Variants in CNTNAP3B observed in about 807,000 individuals in gnomAD.
CNTNAP3B encodes contactin associated protein family member 3B, also known as contactin-associated protein-like 3B.
CNTNAP3B carries 25 observed loss-of-function variants against 108.9 expected under a neutral mutation model. That is an observed-to-expected ratio of 0.23 (90% CI 0.17 to 0.32). The LOEUF (loss-of-function observed/expected upper bound fraction) is 0.32. Among genes scored for constraint, CNTNAP3B ranks in the 10% least tolerant of loss-of-function variants. The pLI is 1.00. For synonymous variants in CNTNAP3B, 103 were observed against 473.4 expected (o/e 0.22, Z 10.16); for missense variants, 252 against 1,210.4 (o/e 0.21, Z 11.75).
chr9:41,995,747 A>C (rs1299576605), intron 7 of CNTNAP3B, among the ~76,000 whole-genome samples: 1 of 133,802 alleles, frequency 7.5e-6, no homozygotes, highest in Non-Finnish European at 1.6e-5. Flanking sequence ...AAAAAAAAAA[A>C]AAAATTGGCC....
intron 3 of CNTNAP3B, among the ~76,000 whole-genome samples, chr9:42,031,033 G>T (rs1826515862): frequency 9.9e-6 from 1 of 100,766 alleles, no homozygotes; most frequent in Admixed American, 1.0e-4. Context: ...CTCCAGGTTT[G>T]AGTCTCTTTA....
At chr9:42,072,961 T>A (rs1164972822) in intron 3 of CNTNAP3B, among the ~76,000 whole-genome samples, 1 of 139,624 alleles carries the variant, frequency 7.2e-6, no homozygotes, top group African/African-American at 2.8e-5. Flanking sequence ...AATATTCACA[T>A]TAAGCAGAGT....
intron 3 of CNTNAP3B, among the ~76,000 whole-genome samples, chr9:42,054,040 T>A (rs1453474837): frequency 1.3e-5 from 2 of 151,880 alleles, no homozygotes; most frequent in African/African-American, 4.9e-5. Flanking sequence ...TACTTTGAAC[T>A]TCAATACTAC....
chr9:42,118,630 C>A, intron 1 of CNTNAP3B, among the ~76,000 whole-genome samples: 1 of 115,446 alleles, frequency 8.7e-6, no homozygotes, highest in South Asian at 2.9e-4. Flanking sequence ...ACAGGATGCC[C>A]TCTCTCACCA....
chr9:41,920,984 G>A (rs1823651611), intron 17 of CNTNAP3B, among the ~76,000 whole-genome samples: 2 of 152,298 alleles, frequency 1.3e-5, no homozygotes, highest in African/African-American at 4.8e-5. Context: ...TACAACACCT[G>A]TGTAGTGACA....
At chr9:41,991,253 GAGA>G (rs1225216672) in intron 8 of CNTNAP3B, among the ~76,000 whole-genome samples, 1 of 90,748 alleles carries the variant, frequency 1.1e-5, no homozygotes, top group Admixed American at 1.2e-4. Context: ...GAAGGGAAAG[GAGA>G]AGGAGGACAG....
chr9:42,110,992 T>C lies in CNTNAP3B; in HGVS notation c.86-6253A>G, dbSNP rs986105582. Among the ~76,000 whole-genome samples the C allele has an allele frequency of 1.4e-4, 20 of 139,584 alleles. 2 individuals are homozygous for C. The highest frequency in any genetic ancestry group is 8.7e-4 in the East Asian group (4 of 4,574). The allele number at this position is 139,584 out of a possible 152,430, so 91.6% of individuals were successfully genotyped here. A position where few individuals can be genotyped will look rare whatever the true frequency, so the allele number is the denominator to read the frequency against. Reference sequence around the variant, plus strand: ...TCCATATAAAAACTTCTGTTTTACATGGTCTTGATCTCCATTCGATTATCT... The same window carrying C: ...TCCATATAAAAACTTCTGTTTTACACGGTCTTGATCTCCATTCGATTATCT... On this transcript the variant is annotated intron_variant, in intron 1 of 23. Coordinates refer to ENST00000377561, the MANE Select transcript of CNTNAP3B (RefSeq NM_001201380.3).
In CNTNAP3B at chr9:42,129,338, C is replaced by G; in HGVS notation, c.-244G>C. 2.5e-6 allele frequency: 1 copy of G among 397,194 alleles called. No homozygotes were observed. Among genetic ancestry groups the G allele is most frequent in the Middle Eastern group, 6.9e-4 (1 of 1,456 alleles). 24.6% of individuals were successfully genotyped at this position (397,194 alleles called of 1,614,324 possible). On this transcript the variant is annotated 5_prime_UTR_variant, in exon 1 of 24. Transcript: ENST00000377561. ...GGTCGGCCCCGCGGGAGCCTGGGGG[C>G]CGCGCGGCGCCGCCCCAGGCACGGA...
intron 14 of CNTNAP3B, among the ~76,000 whole-genome samples, chr9:41,931,366 ATTACTG>A (rs1420957683): frequency 2.0e-5 from 3 of 152,196 alleles, no homozygotes; most frequent in South Asian, 2.1e-4. Context: ...TATCCAATAA[ATTACTG>A]TTAACTATAA....
intron 2 of CNTNAP3B, among the ~76,000 whole-genome samples, chr9:42,086,269 C>A (rs890924097): frequency 2.8e-5 from 4 of 140,696 alleles, no homozygotes; most frequent in African/African-American, 1.1e-4. Flanking sequence ...AGTTATCTCC[C>A]ACTGGGTCCC....
At chr9:41,963,121 C>A (rs1218379823) in intron 11 of CNTNAP3B, among the ~76,000 whole-genome samples, 2 of 152,288 alleles carry the variant, frequency 1.3e-5, no homozygotes, top group Non-Finnish European at 2.9e-5. Context: ...ACTGGGAGCG[C>A]AGAATTCTCA....
intron 3 of CNTNAP3B, among the ~76,000 whole-genome samples, chr9:42,044,148 TCAA>T (rs1826819653): frequency 8.4e-6 from 1 of 118,894 alleles, no homozygotes; most frequent in South Asian, 2.9e-4. Context: ...CTTATTTCAA[TCAA>T]CAACGGCTCC....
chr9:41,943,393 C>A (rs1824423050), intron 13 of CNTNAP3B, among the ~76,000 whole-genome samples: 1 of 141,024 alleles, frequency 7.1e-6, no homozygotes, highest in African/African-American at 2.7e-5. Context: ...CTCTCTGTCG[C>A]TCAGGCTGGA....
At chr9:42,062,043 A>C in intron 3 of CNTNAP3B, among the ~76,000 whole-genome samples, 1 of 47,528 alleles carries the variant, frequency 2.1e-5, no homozygotes. Context: ...TGACCCCTTT[A>C]TCCTTCTTTT....
intron 1 of CNTNAP3B, among the ~76,000 whole-genome samples, chr9:42,117,041 TACAA>T: frequency 7.2e-6 from 1 of 138,802 alleles, no homozygotes; most frequent in East Asian, 2.2e-4. Context: ...CTTAGAGGTG[TACAA>T]ACAGACTTAG....
intron 1 of CNTNAP3B, among the ~76,000 whole-genome samples, chr9:42,115,414 C>A (rs1828292418): frequency 7.3e-6 from 1 of 137,838 alleles, no homozygotes; most frequent in African/African-American, 2.9e-5. Context: ...AGACTGCCTC[C>A]TTAAGTGGGT....
chr9:41,948,173 C>T (rs1317368541), intron 13 of CNTNAP3B, among the ~76,000 whole-genome samples: 1 of 148,732 alleles, frequency 6.7e-6, no homozygotes, highest in South Asian at 2.1e-4. Flanking sequence ...CTCACTGCAA[C>T]CTCTGCCTCC....
At chr9:42,113,849 T>C (rs1471651925) in intron 1 of CNTNAP3B, among the ~76,000 whole-genome samples, 1 of 139,618 alleles carries the variant, frequency 7.2e-6, no homozygotes, top group African/African-American at 2.8e-5. Flanking sequence ...GGATACTCCA[T>C]TTTTCTTGAT....
At chr9:42,012,974 G>A (rs1214905939) in intron 4 of CNTNAP3B, among the ~76,000 whole-genome samples, 1 of 94,972 alleles carries the variant, frequency 1.1e-5, no homozygotes, top group Non-Finnish European at 2.2e-5. Context: ...CCAAGAGATT[G>A]CGAGAAATCA....
Sources: gnomAD v4.1 joint callset for allele counts (sites outside exome capture counted in the v4.1 genomes callset) on GRCh38, gnomAD v4.1.1 for gene constraint, MANE v1.5 for transcripts, NCBI Gene and HGNC (gene_info 2026-07-23, HGNC 2026-07-21) for gene names.